The following GRM1 variants were observed in gnomAD, a reference collection of about 807,000 sequenced individuals.
The protein encoded by GRM1 is metabotropic glutamate receptor 1.
Under a neutral mutation model 90.9 loss-of-function variants are expected in GRM1, and 33 were observed. The observed-to-expected ratio is 0.36, with a 90% CI of 0.28 to 0.49. The LOEUF is 0.49. Among genes scored for constraint, GRM1 ranks in the 20% least tolerant of loss-of-function variants. The pLI, the probability that GRM1 is intolerant of heterozygous loss-of-function variation, is 0.99. For missense variants in GRM1, 1,190 were observed against 1,534.3 expected, an observed-to-expected ratio of 0.78 and a Z score of 3.75; for synonymous variants, 700 against 613.2, an observed-to-expected ratio of 1.14 and a Z score of -2.09.
intron 5 of GRM1, among the ~76,000 whole-genome samples, chr6:146,383,178 T>C (rs1395805563): frequency 1.3e-5 from 2 of 152,200 alleles, no homozygotes; most frequent in Non-Finnish European, 2.9e-5. Flanking sequence ...CTATTTTTAA[T>C]TCTGTATTAA....
At chr6:146,430,309 C>G (rs1778362806) in intron 7 of GRM1, among the ~76,000 whole-genome samples, 1 of 152,240 alleles carries the variant, frequency 6.6e-6, no homozygotes, top group African/African-American at 2.4e-5. Flanking sequence ...GCTGTCCACA[C>G]AGTAACTATA....
intron 6 of GRM1, among the ~76,000 whole-genome samples, chr6:146,397,933 G>A (rs767051636): frequency 6.6e-5 from 10 of 152,170 alleles, no homozygotes; most frequent in Non-Finnish European, 1.0e-4. Context: ...GGGAAATATT[G>A]GCCCAGACCA....
At chr6:146,148,972 C>T (rs2128887214) in intron 1 of GRM1, among the ~76,000 whole-genome samples, 1 of 152,258 alleles carries the variant, frequency 6.6e-6, no homozygotes, top group South Asian at 2.1e-4. Flanking sequence ...GTGGAAACCA[C>T]AGTGGGAAAT....
intron 6 of GRM1, among the ~76,000 whole-genome samples, chr6:146,396,047 A>G (rs1776912991): frequency 6.8e-6 from 1 of 147,682 alleles, no homozygotes. Context: ...TATTTTAAAT[A>G]TCTATTTTCC....
rs143889363 is a variant in GRM1 at position 146,282,314 on chromosome 6, A to G, written c.951-22297A>G. On this transcript the variant is annotated intron_variant, in intron 2 of 7. Transcript: ENST00000282753. ...TACAATTTAATTTCCCTAATATTTT[A>G]CTTTGTAGCCCCACTTACTATTATC... 3.5e-4 allele frequency among the ~76,000 whole-genome samples: 53 copies of G among 152,234 alleles called. No individual in the cohort carries two copies. In the East Asian group the frequency reaches 7.0e-3, roughly 20 times the overall value.
intron 1 of GRM1, among the ~76,000 whole-genome samples, chr6:146,134,485 G>A (rs1022970771): frequency 6.6e-6 from 1 of 152,132 alleles, no homozygotes; most frequent in Non-Finnish European, 1.5e-5. Flanking sequence ...GTTCGGGGTG[G>A]CTTGGGAGGC....
chr6:146,303,009 G>A (rs1432383802), intron 2 of GRM1, among the ~76,000 whole-genome samples: 1 of 152,086 alleles, frequency 6.6e-6, no homozygotes, highest in African/African-American at 2.4e-5. Flanking sequence ...GATGTGGCTG[G>A]CTAGACTCTA....
intron 1 of GRM1, among the ~76,000 whole-genome samples, chr6:146,149,777 A>G (rs1777254430): frequency 6.6e-6 from 1 of 152,134 alleles, no homozygotes; most frequent in East Asian, 1.9e-4. Flanking sequence ...AAAACACCCA[A>G]TTTGTAGTAA....
At chr6:146,421,364 T>C (rs1476746709) in intron 7 of GRM1, among the ~76,000 whole-genome samples, 2 of 152,132 alleles carry the variant, frequency 1.3e-5, no homozygotes, top group African/African-American at 2.4e-5. Flanking sequence ...TAATACTAGT[T>C]ATACATAATA....
At chr6:146,199,035 T>G (rs1476014697) in intron 2 of GRM1, among the ~76,000 whole-genome samples, 1 of 152,202 alleles carries the variant, frequency 6.6e-6, no homozygotes, top group Non-Finnish European at 1.5e-5. Context: ...GGGGCCCTAT[T>G]ATCCTCATGG....
At chr6:146,134,790 G>T (rs112198622) in intron 1 of GRM1, among the ~76,000 whole-genome samples, 728 of 152,268 alleles carry the variant, frequency 4.8e-3, no homozygotes, top group Non-Finnish European at 7.7e-3. Context: ...ATGTAGCTGG[G>T]TGTGGTGGCA....
At chr6:146,393,273 T>G (rs1423667226) in intron 6 of GRM1, among the ~76,000 whole-genome samples, 2 of 152,212 alleles carry the variant, frequency 1.3e-5, no homozygotes, top group Non-Finnish European at 2.9e-5. Context: ...TTTGCATTTC[T>G]CTAATGACCA....
intron 7 of GRM1, among the ~76,000 whole-genome samples, chr6:146,404,366 A>G (rs561852358): frequency 4.7e-4 from 72 of 152,236 alleles, no homozygotes; most frequent in African/African-American, 1.5e-3. Context: ...GACTGCACCA[A>G]TCTTGCAATA....
chr6:146,197,608 T>C (rs533616209), intron 2 of GRM1, among the ~76,000 whole-genome samples: 1 of 152,338 alleles, frequency 6.6e-6, no homozygotes, highest in Admixed American at 6.5e-5. Context: ...CTGTGGGATG[T>C]CCAGACAACC....
At chr6:146,108,543 C>T (rs1478137053) in intron 1 of GRM1, among the ~76,000 whole-genome samples, 1 of 152,182 alleles carries the variant, frequency 6.6e-6, no homozygotes, top group Non-Finnish European at 1.5e-5. Flanking sequence ...TCCAATAAAC[C>T]TCTTTCTTTC....
chr6:146,279,706 G>A (rs1367266463), intron 2 of GRM1, among the ~76,000 whole-genome samples: 1 of 152,122 alleles, frequency 6.6e-6, no homozygotes, highest in Non-Finnish European at 1.5e-5. Context: ...GTTTTAGTGA[G>A]CTTGTGGCCC....
At chr6:146,082,471 T>G (rs1369081724) in intron 1 of GRM1, among the ~76,000 whole-genome samples, 3 of 152,158 alleles carry the variant, frequency 2.0e-5, no homozygotes, top group Non-Finnish European at 4.4e-5. Context: ...TTTCGTCTTT[T>G]TAAACATTTA....
At chr6:146,164,497 G>A (rs542227358) in intron 2 of GRM1, among the ~76,000 whole-genome samples, 21 of 152,178 alleles carry the variant, frequency 1.4e-4, no homozygotes, top group Non-Finnish European at 3.1e-4. Context: ...TGTGACCCCT[G>A]ATTTCCCTTT....
intron 2 of GRM1, among the ~76,000 whole-genome samples, chr6:146,162,270 A>T (rs935688016): frequency 6.6e-6 from 1 of 152,322 alleles, no homozygotes; most frequent in South Asian, 2.1e-4. Flanking sequence ...TTCTTTTCAT[A>T]TAGTAAATCA....
Sources: allele counts gnomAD v4.1 joint callset (sites outside exome capture counted in the v4.1 genomes callset), GRCh38; gene constraint gnomAD v4.1.1; transcripts MANE v1.5; gene names NCBI Gene and HGNC (gene_info 2026-07-23, HGNC 2026-07-21).